The following XKR6 variants were observed in gnomAD, a reference collection of about 807,000 sequenced individuals.
The protein encoded by XKR6 is XK related 6.
XKR6 carries 22 observed loss-of-function variants against 56.7 expected under a neutral mutation model. That is an observed-to-expected ratio of 0.39 (90% CI 0.28 to 0.55). The LOEUF (loss-of-function observed/expected upper bound fraction) is 0.55, where lower values mean the gene tolerates loss of function less well. Among genes scored for constraint, XKR6 ranks in the 20% least tolerant of loss-of-function variants. XKR6 has a pLI of 0.66. For synonymous variants in XKR6, 524 were observed against 387.8 expected (o/e 1.35, Z -4.13); for missense variants, 852 against 889.0 (o/e 0.96, Z 0.53).
At chr8:11,094,543 A>C (rs1798207660) in intron 1 of XKR6, among the ~76,000 whole-genome samples, 2 of 152,180 alleles carry the variant, frequency 1.3e-5, no homozygotes, top group Admixed American at 1.3e-4. Flanking sequence ...AATGGATCAG[A>C]GGACCTCAGA....
chr8:10,973,752 T>C (rs1802473320), intron 1 of XKR6, among the ~76,000 whole-genome samples: 1 of 152,152 alleles, frequency 6.6e-6, no homozygotes, highest in African/African-American at 2.4e-5. Context: ...AGCTAATTTT[T>C]TGTGTTTTTT....
At chr8:11,134,002 T>C (rs908358046) in intron 1 of XKR6, among the ~76,000 whole-genome samples, 1 of 152,152 alleles carries the variant, frequency 6.6e-6, no homozygotes, top group Admixed American at 6.5e-5. Context: ...CTGCAATTAC[T>C]TGCACTTCCC....
At chr8:10,953,184 C>G (rs924727189) in intron 1 of XKR6, among the ~76,000 whole-genome samples, 2 of 152,154 alleles carry the variant, frequency 1.3e-5, no homozygotes, top group African/African-American at 4.8e-5. Context: ...ATCCTGAAAC[C>G]ATCCTCCCTC....
At chr8:11,088,517 T>C (rs1044158928) in intron 1 of XKR6, among the ~76,000 whole-genome samples, 1 of 152,200 alleles carries the variant, frequency 6.6e-6, no homozygotes, top group African/African-American at 2.4e-5. Context: ...CACGCTGGAA[T>C]CTAGGCTCTC....
At chr8:11,054,280 G>C (rs1166142797) in intron 1 of XKR6, among the ~76,000 whole-genome samples, 1 of 152,166 alleles carries the variant, frequency 6.6e-6, no homozygotes, top group Non-Finnish European at 1.5e-5. Context: ...CAGGACCAGA[G>C]GTGAAAAGAG....
At chr8:11,057,893 G>T (rs997609876) in intron 1 of XKR6, among the ~76,000 whole-genome samples, 1 of 152,168 alleles carries the variant, frequency 6.6e-6, no homozygotes, top group South Asian at 2.1e-4. Flanking sequence ...AGCACCTGCC[G>T]CATCTGACAG....
At chr8:10,957,129 T>G (rs1801913782) in intron 1 of XKR6, among the ~76,000 whole-genome samples, 1 of 152,126 alleles carries the variant, frequency 6.6e-6, no homozygotes, top group African/African-American at 2.4e-5. Flanking sequence ...TTTTGTATTT[T>G]TAGTACAGAT....
intron 1 of XKR6, among the ~76,000 whole-genome samples, chr8:11,039,280 C>A (rs1799224776): frequency 6.6e-6 from 1 of 152,188 alleles, no homozygotes; most frequent in Non-Finnish European, 1.5e-5. Flanking sequence ...ACTGCAGATC[C>A]AAAAGGCAGG....
intron 1 of XKR6, among the ~76,000 whole-genome samples, chr8:11,009,221 T>A (rs1317306760): frequency 6.6e-6 from 1 of 152,084 alleles, no homozygotes; most frequent in African/African-American, 2.4e-5. Context: ...TGAAAAGGTA[T>A]AGGGTTTGGC....
At chr8:11,055,541 G>C (rs940431932) in intron 1 of XKR6, among the ~76,000 whole-genome samples, 1 of 152,172 alleles carries the variant, frequency 6.6e-6, no homozygotes, top group Non-Finnish European at 1.5e-5. Flanking sequence ...GAGCGGCATG[G>C]GGTTCCGCCC....
At chr8:10,929,396 C>T (rs953923160) in intron 1 of XKR6, among the ~76,000 whole-genome samples, 2 of 152,250 alleles carry the variant, frequency 1.3e-5, no homozygotes, top group Non-Finnish European at 2.9e-5. Flanking sequence ...TTAAAACATT[C>T]GCCTTGCTCT....
chr8:10,960,775 A>G (rs1395953007), intron 1 of XKR6, among the ~76,000 whole-genome samples: 3 of 152,262 alleles, frequency 2.0e-5, no homozygotes, highest in African/African-American at 7.2e-5. Context: ...CCCTCATCTA[A>G]TCACCCTTTC....
intron 1 of XKR6, among the ~76,000 whole-genome samples, chr8:11,199,510 AAG>A (rs913010258): frequency 7.9e-5 from 12 of 152,214 alleles, no homozygotes; most frequent in Non-Finnish European, 1.6e-4. Flanking sequence ...CATGCACTTG[AAG>A]AGCTTGTCCC....
chr8:10,935,479 T>G (rs1156946413), intron 1 of XKR6, among the ~76,000 whole-genome samples: 2 of 114,178 alleles, frequency 1.8e-5, no homozygotes, highest in African/African-American at 7.8e-5. Context: ...CTAGTTCTTT[T>G]AATTGTGATG....
chr8:11,092,158 T>C (rs762120619), intron 1 of XKR6, among the ~76,000 whole-genome samples: 7 of 152,242 alleles, frequency 4.6e-5, no homozygotes, highest in Non-Finnish European at 1.0e-4. Flanking sequence ...AATGACCTCA[T>C]GCCAAACTTA....
At chr8:11,101,425 A>T (rs1018916780) in intron 1 of XKR6, among the ~76,000 whole-genome samples, 1 of 152,176 alleles carries the variant, frequency 6.6e-6, no homozygotes, top group Non-Finnish European at 1.5e-5. Flanking sequence ...AGCAGCAGTG[A>T]CCTAGTGAAT....
At chr8:10,902,399 AG>A (rs1282318048) in intron 2 of XKR6, among the ~76,000 whole-genome samples, 1 of 152,182 alleles carries the variant, frequency 6.6e-6, no homozygotes, top group Non-Finnish European at 1.5e-5. Context: ...GCAGAGGTGC[AG>A]GGGCTTGGGT....
At position 10,898,131 on chromosome 8, in the gene XKR6, G is replaced by C; in HGVS notation, c.1747C>G (p.Pro583Ala). 1 of 1,614,076 alleles carries C rather than the reference G, an allele frequency of 6.2e-7. No individual in the cohort carries two copies. Among genetic ancestry groups the C allele is most frequent in the Non-Finnish European group, 8.5e-7 (1 of 1,179,968 alleles). ...CTTGGCATGTCAATCTTAATGAGGG[G>C]CCCTTCTGGGAGGTAAGGACGCCCC... ...PLGRPYLPEGPLIKIDMPRKR... is the reference protein window; with the variant it reads ...PLGRPYLPEGALIKIDMPRKR... Residue 583 changes from proline (P) to alanine (A), a missense_variant, in exon 3 of 3, where the codon CCC becomes GCC. By Grantham distance (27) the Pro-to-Ala change is conservative. This residue lies in a region of XKR6 where 197 missense variants were observed against 190.9 expected (regional missense o/e 1.03). Coordinates refer to ENST00000416569, the MANE Select transcript of XKR6 (RefSeq NM_173683.4). This position sits in a 1 kb window ranked among gnomAD's most constrained non-coding sequence, Gnocchi z 6.6.
chr8:10,915,401 GTC>G (rs1407334544), intron 2 of XKR6, among the ~76,000 whole-genome samples: 1 of 152,288 alleles, frequency 6.6e-6, no homozygotes, highest in South Asian at 2.1e-4. Flanking sequence ...CTGCGCTCAT[GTC>G]TCTCTGTTCC....
Sources: allele counts gnomAD v4.1 joint callset (sites outside exome capture counted in the v4.1 genomes callset), GRCh38; gene constraint gnomAD v4.1.1; regional missense constraint gnomAD v4.1.1; non-coding constraint Gnocchi (gnomAD v3.1); transcripts MANE v1.5; gene names NCBI Gene and HGNC (gene_info 2026-07-23, HGNC 2026-07-21).